Variants in NLGN1 observed in about 807,000 individuals in gnomAD.
NLGN1 encodes the protein neuroligin-1.
Under a neutral mutation model 65.5 loss-of-function variants are expected in NLGN1, and 12 were observed. That is an observed-to-expected ratio of 0.18 (90% CI 0.12 to 0.30). The LOEUF is 0.30. Among genes scored for constraint, NLGN1 ranks in the 10% least tolerant of loss-of-function variants. NLGN1 has a pLI of 1.00. For synonymous variants in NLGN1, 350 were observed against 359.5 expected, an observed-to-expected ratio of 0.97 and a Z score of 0.30; for missense variants, 750 against 1,007.1, an observed-to-expected ratio of 0.74 and a Z score of 3.46.
At chr3:173,878,733 C>G (rs1235001952) in intron 4 of NLGN1, among the ~76,000 whole-genome samples, 1 of 145,968 alleles carries the variant, frequency 6.9e-6, no homozygotes, top group African/African-American at 2.6e-5. Flanking sequence ...TATATTTAAC[C>G]TACTGTGCTT....
intron 4 of NLGN1, among the ~76,000 whole-genome samples, chr3:173,953,581 G>A (rs993107280): frequency 4.0e-5 from 6 of 151,732 alleles, no homozygotes; most frequent in Non-Finnish European, 8.8e-5. Context: ...TGAGACCAGA[G>A]TCTCACTTTG....
intron 4 of NLGN1, among the ~76,000 whole-genome samples, chr3:173,886,332 TCAAA>T (rs1214001374): frequency 6.6e-6 from 1 of 152,078 alleles, no homozygotes; most frequent in Non-Finnish European, 1.5e-5. Flanking sequence ...TTTCTAGTCC[TCAAA>T]TTTACTGTTA....
chr3:173,825,433 G>C lies in NLGN1; in HGVS notation c.646+17601G>C, dbSNP rs189374870. Reference sequence around the variant, plus strand: ...TTTGTTCAATTTCAACATTGATTTTGATTTTTATATCCTTTGCTCAGCCTT... The same window carrying C: ...TTTGTTCAATTTCAACATTGATTTTCATTTTTATATCCTTTGCTCAGCCTT... On this transcript the variant is annotated intron_variant, in intron 4 of 6. Transcript: ENST00000457714. Among the ~76,000 whole-genome samples, 3 of 152,042 alleles carry C rather than the reference G, an allele frequency of 2.0e-5. No homozygotes were observed. The East Asian group carries it at 5.8e-4, about 29-fold the overall frequency.
chr3:173,873,139 A>G (rs1440805622), intron 4 of NLGN1, among the ~76,000 whole-genome samples: 1 of 150,342 alleles, frequency 6.7e-6, no homozygotes, highest in Non-Finnish European at 1.5e-5. Flanking sequence ...CCCAGGCTGG[A>G]GTGCAGTGGC....
chr3:174,163,015 G>A (rs1726840295), intron 4 of NLGN1, among the ~76,000 whole-genome samples: 1 of 151,824 alleles, frequency 6.6e-6, no homozygotes, highest in African/African-American at 2.4e-5. Context: ...TTAGCTCTGT[G>A]TTCACAAGCA....
intron 4 of NLGN1, 78 bp downstream of exon 4, chr3:173,807,910 G>C (rs570313016): frequency 6.9e-7 from 1 of 1,449,440 alleles, no homozygotes; most frequent in South Asian, 1.2e-5. Flanking sequence ...GTTTTGTTCT[G>C]CTTTGCTTTG....
At chr3:174,162,986 C>T (rs763515888) in intron 4 of NLGN1, among the ~76,000 whole-genome samples, 4 of 151,838 alleles carry the variant, frequency 2.6e-5, no homozygotes, top group Admixed American at 6.6e-5. Flanking sequence ...CTTAGACTCA[C>T]ATCTTTAGCC....
In NLGN1 at chr3:173,900,207, A is replaced by C. The variant is rs557947957; in HGVS notation, c.646+92375A>C. ...TGAGTGCTAAAAACATTAATTTGTCAAATGTATGCTTTAAAATGTGCCAAG... is the reference window on the plus strand; with the variant it reads ...TGAGTGCTAAAAACATTAATTTGTCCAATGTATGCTTTAAAATGTGCCAAG... On this transcript the variant is annotated intron_variant, in intron 4 of 6. Coordinates refer to ENST00000457714, the Ensembl canonical transcript of NLGN1. Among the ~76,000 whole-genome samples the C allele has an allele frequency of 2.6e-5, 4 of 152,264 alleles. No individual in the cohort carries two copies. The South Asian group carries it at 8.3e-4, about 32-fold the overall frequency.
chr3:174,148,039 G>C (rs948669075), intron 4 of NLGN1, among the ~76,000 whole-genome samples: 3 of 152,154 alleles, frequency 2.0e-5, no homozygotes, highest in Non-Finnish European at 4.4e-5. Context: ...TTCTACAAAA[G>C]AATGTGTGTC....
rs199904122 is a variant in NLGN1 at position 174,124,553 on chromosome 3, A to ATG, written c.647-150761_647-150760insGT. Reference sequence around the variant, plus strand: ...CTTACTTATATACATATACTTATATATATACGTATATATACGTATACACAT... The same window carrying ATG: ...CTTACTTATATACATATACTTATATATGTATACGTATATATACGTATACACAT... On this transcript the variant is annotated intron_variant, in intron 4 of 6. Coordinates refer to ENST00000457714, the Ensembl canonical transcript of NLGN1. Among the ~76,000 whole-genome samples the ATG allele has an allele frequency of 5.5e-3, 813 of 147,592 alleles. 20 individuals carry two copies. The highest frequency in any genetic ancestry group is 0.039 in the East Asian group (196 of 5,050).
intron 2 of NLGN1, among the ~76,000 whole-genome samples, chr3:173,498,797 A>G (rs1730484141): frequency 6.6e-6 from 1 of 151,826 alleles, no homozygotes; most frequent in African/African-American, 2.4e-5. Flanking sequence ...CATTTCTCTG[A>G]TGGCCAGTGA....
chr3:173,714,044 C>CA (rs1330156398), intron 3 of NLGN1, among the ~76,000 whole-genome samples: 5 of 152,024 alleles, frequency 3.3e-5, no homozygotes, highest in African/African-American at 1.2e-4. Flanking sequence ...TGTTTGAATG[C>CA]AAAGTGTAAT....
At chr3:173,994,491 A>AAAAAAAG (rs10688223) in intron 4 of NLGN1, among the ~76,000 whole-genome samples, 1 of 81,206 alleles carries the variant, frequency 1.2e-5, no homozygotes, top group African/African-American at 5.6e-5. Context: ...AAAAAAAAAA[A>AAAAAAAG]AGAGAGAGAG....
chr3:174,057,988 G>C (rs1344183568), intron 4 of NLGN1: 1 of 152,100 alleles, frequency 6.6e-6, no homozygotes, highest in African/African-American at 2.4e-5. Context: ...GATTGGCATA[G>C]GTTATGATTT....
intron 2 of NLGN1, among the ~76,000 whole-genome samples, chr3:173,482,813 A>G (rs1727516800): frequency 1.3e-5 from 2 of 151,984 alleles, no homozygotes; most frequent in African/African-American, 4.8e-5. Flanking sequence ...AATGCCTAAA[A>G]CTGTAGGCAG....
intron 4 of NLGN1, among the ~76,000 whole-genome samples, chr3:173,958,411 C>G (rs1361115481): frequency 6.6e-6 from 1 of 152,078 alleles, no homozygotes; most frequent in Non-Finnish European, 1.5e-5. Context: ...CAGCTTTCAA[C>G]AACTGGAGAC....
intron 4 of NLGN1, among the ~76,000 whole-genome samples, chr3:174,257,238 TTAA>T (rs756089573): frequency 6.6e-6 from 1 of 152,122 alleles, no homozygotes; most frequent in Non-Finnish European, 1.5e-5. Flanking sequence ...ATGGCTATTA[TTAA>T]AAAGTCAAAA....
At chr3:173,906,523 T>G (rs901857960) in intron 4 of NLGN1, among the ~76,000 whole-genome samples, 7 of 152,310 alleles carry the variant, frequency 4.6e-5, no homozygotes, top group African/African-American at 1.7e-4. Context: ...GCCGTCTATC[T>G]AATCAACCCA....
chr3:173,908,110 A>T (rs1738829029), intron 4 of NLGN1, among the ~76,000 whole-genome samples: 1 of 152,238 alleles, frequency 6.6e-6, no homozygotes, highest in Admixed American at 6.5e-5. Context: ...ACTGCATGTT[A>T]GTTAAAACTC....
Sources: allele counts gnomAD v4.1 joint callset (sites outside exome capture counted in the v4.1 genomes callset), GRCh38; gene constraint gnomAD v4.1.1; transcripts MANE v1.5; gene names NCBI Gene and HGNC (gene_info 2026-07-23, HGNC 2026-07-21).